VPS11: variants seen among roughly 807,000 people sequenced by gnomAD.
VPS11 encodes the protein vacuolar protein sorting-associated protein 11 homolog.
VPS11 carries 51 observed loss-of-function variants against 106.8 expected under a neutral mutation model. The ratio of observed to expected loss-of-function variants is 0.48; its 90% CI spans 0.38 to 0.60. VPS11 has a LOEUF of 0.60. VPS11 is among the 20% of genes least tolerant of loss of function. VPS11 has a pLI of 0.00. For missense variants in VPS11, 950 were observed against 1,190.0 expected (o/e 0.80, Z 2.97); for synonymous variants, 453 against 458.7 (o/e 0.99, Z 0.16).
chr11:119,068,444 C>CAT (rs1945211599), intron 1 of VPS11, among the ~76,000 whole-genome samples: 1 of 128,130 alleles, frequency 7.8e-6, no homozygotes, highest in Admixed American at 8.2e-5. Flanking sequence ...GCCTTTTTAC[C>CAT]TTTTTTTTTT....
In VPS11 at chr11:119,078,406, C is replaced by T. The variant is rs1415818078; in HGVS notation, c.1923+72C>T. ...TCCATTCTTCCGTCTTGGTGGCTGC[C>T]TTTCACTGCATTCCTTAGACCAGTA... On this transcript the variant is annotated intron_variant, in intron 11 of 15. Transcript: ENST00000621676. The T allele has an allele frequency of 5.3e-5, 84 of 1,585,330 alleles. No individual in the cohort carries two copies. The South Asian group carries it at 8.6e-4, about 16-fold the overall frequency.
chr11:119,069,110 A>G, intron 1 of VPS11, 86 bp from the exon 2 acceptor site: 3 of 1,508,840 alleles, frequency 2.0e-6, no homozygotes, highest in Non-Finnish European at 2.7e-6. Context: ...AAAATTTTAG[A>G]GTTATATACA....
At chr11:119,078,728 G>T (rs1224406384) in intron 12 of VPS11, 24 bp downstream of exon 12, 2 of 1,608,838 alleles carry the variant, frequency 1.2e-6, no homozygotes, top group Non-Finnish European at 1.7e-6. Flanking sequence ...GAATTTCAGG[G>T]AAAGGGGAAG....
chr11:119,070,534 T>G, intron 4 of VPS11, 137 bp downstream of exon 4: 1 of 1,033,862 alleles, frequency 9.7e-7, no homozygotes, highest in Non-Finnish European at 1.3e-6. Flanking sequence ...TGCCTAGCTT[T>G]GTATTTTATT....
At chr11:119,068,838 G>T (rs1009458743) in intron 1 of VPS11, among the ~76,000 whole-genome samples, 1 of 151,760 alleles carries the variant, frequency 6.6e-6, no homozygotes, top group Admixed American at 6.6e-5. Flanking sequence ...TGCAACCTCC[G>T]CCTCCCGGGT....
intron 5 of VPS11, 61 bp from the exon 6 acceptor site, chr11:119,073,137 G>A (rs1431484543): frequency 6.5e-7 from 1 of 1,545,930 alleles, no homozygotes; most frequent in African/African-American, 1.4e-5. Context: ...TCATGGGAAA[G>A]GAAATAGGGG....
At position 119,067,859 on chromosome 11, in the gene VPS11, C is replaced by T. The variant is rs1276588393; in HGVS notation, c.36C>T (p.Phe12=). Residue 12 remains phenylalanine, a synonymous_variant, in exon 1 of 16, where the codon TTC becomes TTT. Transcript: ENST00000621676. The part of the protein sequence containing the change: ...AAYLQWRRFV[F]FDKELVKEPL... Reference sequence around the variant, plus strand: ...ACCTGCAGTGGCGGCGCTTCGTTTTCTTCGACAAGGAGCTGGTGAAGGAGC... The same window carrying T: ...ACCTGCAGTGGCGGCGCTTCGTTTTTTTCGACAAGGAGCTGGTGAAGGAGC... 10 of 1,562,816 alleles carry T rather than the reference C, an allele frequency of 6.4e-6. No individual in the cohort carries two copies. The African/African-American group carries it at 8.1e-5, about 13-fold the overall frequency.
chr11:119,070,533 T>C, intron 4 of VPS11, 136 bp downstream of exon 4: 1 of 1,033,772 alleles, frequency 9.7e-7, no homozygotes, highest in Non-Finnish European at 1.3e-6. Context: ...TTGCCTAGCT[T>C]TGTATTTTAT....
chr11:119,069,999 A>AAAATAAATAAATAAAT (rs140755985), intron 3 of VPS11, among the ~76,000 whole-genome samples: 50,995 of 141,372 alleles, frequency 0.36, 9,733 homozygotes, highest in South Asian at 0.52. Flanking sequence ...ACTCTGTCTC[A>AAAATAAATAAATAAAT]AAATAAATAA....
Position 119,069,436 on chromosome 11 carries a change from CCA to C in VPS11, c.337-3_337-2del. The C allele has an allele frequency of 6.2e-7, 1 of 1,613,980 alleles. No homozygotes were observed. The highest frequency in any genetic ancestry group is 8.5e-7 in the Non-Finnish European group (1 of 1,179,868). On this transcript the variant is annotated splice_polypyrimidine_tract_variant and splice_region_variant and intron_variant, in intron 2 of 15. Transcript: ENST00000621676. Reference sequence around the variant, plus strand: ...TAGCATTTACACTTCTGAGGTCTGTCCACAGGTTAAGATCTGGAACCTGGAGA... The same window carrying C: ...TAGCATTTACACTTCTGAGGTCTGTCCAGGTTAAGATCTGGAACCTGGAGA...
chr11:119,077,622 T>C lies in VPS11; in HGVS notation c.1547T>C (p.Leu516Pro). The C allele has an allele frequency of 6.2e-7, 1 of 1,608,712 alleles. No individual in the cohort carries two copies. The highest frequency in any genetic ancestry group is 8.5e-7 in the Non-Finnish European group (1 of 1,177,308). ...AACCATGCACATCATGAGTGGTACC[T>C]GAAGATCCAGCTAGAAGACATTAAG... is the stretch of plus-strand genomic sequence containing the variant. The part of the protein sequence containing the change: ...AENHAHHEWY[L>P]KIQLEDIKNY... Residue 516 changes from leucine (L) to proline (P), a missense_variant, in exon 9 of 16, where the codon CTG becomes CCG. Physicochemically the swap from Leu to Pro is moderately conservative, Grantham distance 98. Transcript: ENST00000621676.
In VPS11 at chr11:119,078,056, C is replaced by CAGGCTGCAGGGTG. The variant is rs1565743228; in HGVS notation, c.1761+2_1761+14dup. 2.5e-6 allele frequency: 4 copies of CAGGCTGCAGGGTG among 1,611,174 alleles called. No homozygotes were observed. Among genetic ancestry groups the CAGGCTGCAGGGTG allele is most frequent in the Admixed American group, 1.7e-5 (1 of 60,012 alleles). ...GAAGGCCGCAGCGATAGGGAGGCCCCAGGCTGCAGGGTGAGGCTGCAGGGA... is the reference window on the plus strand; with the variant it reads ...GAAGGCCGCAGCGATAGGGAGGCCCCAGGCTGCAGGGTGAGGCTGCAGGGTGAGGCTGCAGGGA... On this transcript the variant is annotated frameshift_variant, in exon 10 of 16. Coordinates refer to ENST00000621676, the MANE Select transcript of VPS11 (RefSeq NM_021729.6). LOFTEE classifies it high-confidence loss of function.
At chr11:119,071,528 A>G in intron 4 of VPS11, 68 bp from the exon 5 acceptor site, 1 of 1,573,990 alleles carries the variant, frequency 6.4e-7, no homozygotes, top group Non-Finnish European at 8.7e-7. Flanking sequence ...GGAGATGGGA[A>G]TACCTTTGTG....
At position 119,067,866 on chromosome 11, in the gene VPS11, A is replaced by G; in HGVS notation, c.43A>G (p.Lys15Glu). The G allele has an allele frequency of 4.5e-6, 7 of 1,569,406 alleles. No individual in the cohort carries two copies. The highest frequency in any genetic ancestry group is 5.2e-6 in the Non-Finnish European group (6 of 1,156,510). ...LQWRRFVFFD[K>E]ELVKEPLSND... ...GTGGCGGCGCTTCGTTTTCTTCGACAAGGAGCTGGTGAAGGAGCCGCTGAG... is the reference window on the plus strand; with the variant it reads ...GTGGCGGCGCTTCGTTTTCTTCGACGAGGAGCTGGTGAAGGAGCCGCTGAG... The change falls in exon 1 of 16, where the codon AAG (lysine) becomes GAG (glutamate). Residue 15 changes from lysine to glutamate, a missense_variant. Lys to Glu is a moderately conservative substitution (Grantham distance 56). Around this residue, in one of 3 missense-constraint regions of VPS11, gnomAD observed 62 missense variants for 45.1 expected, o/e 1.37. Coordinates refer to ENST00000621676, the MANE Select transcript of VPS11 (RefSeq NM_021729.6).
intron 6 of VPS11, 38 bp from the exon 7 acceptor site, chr11:119,073,762 C>A: frequency 1.9e-6 from 3 of 1,590,870 alleles, no homozygotes; most frequent in East Asian, 2.3e-5. Flanking sequence ...CTTCCCAGGA[C>A]CACTTCTACC....
Position 119,071,760 on chromosome 11 carries a change from C to T in VPS11, c.801C>T (p.Phe267=), listed in dbSNP as rs536672392. 30 of 1,613,986 alleles carry T rather than the reference C, an allele frequency of 1.9e-5. No homozygotes were observed. The highest frequency in any genetic ancestry group is 4.5e-5 in the East Asian group (2 of 44,876). The part of the protein sequence containing the change: ...LYQPDERGPC[F]AFEGHKLIAH... ...AGCCTGATGAACGTGGGCCCTGCTTCGCCTTTGAGGGCCATAAGCTCATTG... is the reference window on the plus strand; with the variant it reads ...AGCCTGATGAACGTGGGCCCTGCTTTGCCTTTGAGGGCCATAAGCTCATTG... The change falls in exon 5 of 16, where the codon TTC becomes TTT. Residue 267 remains phenylalanine, a synonymous_variant. Transcript: ENST00000621676.
At chr11:119,081,341 AG>A in intron 15 of VPS11, 27 bp downstream of exon 15, 1 of 1,613,376 alleles carries the variant, frequency 6.2e-7, no homozygotes, top group South Asian at 1.1e-5. Flanking sequence ...TAGATGGGCC[AG>A]GGGATTCCCA....
rs1428855207 is a variant in VPS11 at position 119,071,779 on chromosome 11, C to T, written c.820C>T (p.Leu274Phe). The change falls in exon 5 of 16, where the codon CTC becomes TTC. Residue 274 changes from leucine to phenylalanine, a missense_variant. Physicochemically the swap from Leu to Phe is conservative, Grantham distance 22. Coordinates refer to ENST00000621676, the MANE Select transcript of VPS11 (RefSeq NM_021729.6). ...GPCFAFEGHK[L>F]IAHWFRGYLI... Reference sequence around the variant, plus strand: ...CTGCTTCGCCTTTGAGGGCCATAAGCTCATTGCCCACTGGTTTAGAGGCTA... The same window carrying T: ...CTGCTTCGCCTTTGAGGGCCATAAGTTCATTGCCCACTGGTTTAGAGGCTA... 2 of 1,613,878 alleles carry T rather than the reference C, an allele frequency of 1.2e-6. No individual in the cohort carries two copies. The highest frequency in any genetic ancestry group is 1.7e-6 in the Non-Finnish European group (2 of 1,179,900).
chr11:119,079,182 T>A lies in VPS11; in HGVS notation c.2320T>A (p.Tyr774Asn). The change falls in exon 14 of 16, where the codon TAC (tyrosine) becomes AAC (asparagine). Residue 774 changes from tyrosine (Y) to asparagine (N), a missense_variant. Transcript: ENST00000621676. ...STATLSVIRD[Y>N]LVQKLQKQSQ... ...AGCCACACTCTCCGTCATCAGGGAC[T>A]ACCTGGTCCAAAAACTACAGAAACA... 6.2e-7 allele frequency: 1 copy of A among 1,613,818 alleles called. No homozygotes were observed.
Sources: allele counts gnomAD v4.1 joint callset (sites outside exome capture counted in the v4.1 genomes callset), GRCh38; gene constraint gnomAD v4.1.1; regional missense constraint gnomAD v4.1.1; transcripts MANE v1.5; gene names NCBI Gene and HGNC (gene_info 2026-07-23, HGNC 2026-07-21).